EBF1: variants seen among roughly 807,000 people sequenced by gnomAD.
EBF1 encodes transcription factor COE1.
EBF1 carries 10 observed loss-of-function variants against 68.4 expected under a neutral mutation model. That is an observed-to-expected ratio of 0.15 (90% CI 0.09 to 0.25). The LOEUF is 0.25. Among genes scored for constraint, EBF1 ranks in the 10% least tolerant of loss-of-function variants. The pLI is 1.00. For missense variants in EBF1, 509 were observed against 794.4 expected, an observed-to-expected ratio of 0.64 and a Z score of 4.32; for synonymous variants, 298 against 299.8, an observed-to-expected ratio of 0.99 and a Z score of 0.06.
chr5:159,048,888 G>A (rs1772980999), intron 6 of EBF1, among the ~76,000 whole-genome samples: 1 of 152,220 alleles, frequency 6.6e-6, no homozygotes, highest in South Asian at 2.1e-4. Flanking sequence ...GAGGACATCT[G>A]TGGATGTTTT....
chr5:159,037,678 G>A, intron 6 of EBF1, among the ~76,000 whole-genome samples: 1 of 118,914 alleles, frequency 8.4e-6, no homozygotes, highest in Admixed American at 8.8e-5. Flanking sequence ...AGGGGGGAGG[G>A]ATAGCATTGG....
intron 9 of EBF1, among the ~76,000 whole-genome samples, chr5:158,781,015 G>A (rs1297261301): frequency 6.6e-6 from 1 of 152,078 alleles, no homozygotes; most frequent in Non-Finnish European, 1.5e-5. Context: ...AAACTCTGTA[G>A]CATCTGCCAC....
At chr5:158,790,548 T>C (rs1778394259) in intron 9 of EBF1, among the ~76,000 whole-genome samples, 1 of 152,086 alleles carries the variant, frequency 6.6e-6, no homozygotes, top group Non-Finnish European at 1.5e-5. Context: ...ACATGCTGAA[T>C]ACTGCATCTA....
At chr5:159,030,673 A>C (rs1266489661) in intron 6 of EBF1, among the ~76,000 whole-genome samples, 1 of 152,214 alleles carries the variant, frequency 6.6e-6, no homozygotes, top group African/African-American at 2.4e-5. Flanking sequence ...GGAAAGAGAA[A>C]GAAGTCTGGG....
chr5:158,701,601 GTGA>G (rs1455741782), intron 15 of EBF1, among the ~76,000 whole-genome samples: 3 of 152,244 alleles, frequency 2.0e-5, no homozygotes, highest in African/African-American at 7.2e-5. Context: ...GAGGATGGAG[GTGA>G]TGATGCCAAG....
chr5:159,048,400 G>A (rs562383316), intron 6 of EBF1, among the ~76,000 whole-genome samples: 1 of 152,274 alleles, frequency 6.6e-6, no homozygotes, highest in Admixed American at 6.5e-5. Context: ...CTATGTCGTG[G>A]CTTCCTTCCA....
intron 9 of EBF1, among the ~76,000 whole-genome samples, chr5:158,791,222 G>A (rs1007842023): frequency 1.3e-5 from 2 of 151,800 alleles, no homozygotes; most frequent in Admixed American, 1.3e-4. Flanking sequence ...GGGAGGCTGA[G>A]GCAGGAGAAT....
chr5:158,860,530 C>T (rs1794791053), intron 6 of EBF1, among the ~76,000 whole-genome samples: 1 of 152,218 alleles, frequency 6.6e-6, no homozygotes, highest in Non-Finnish European at 1.5e-5. Flanking sequence ...GGAGCCACCT[C>T]TCACGATTTC....
intron 6 of EBF1, among the ~76,000 whole-genome samples, chr5:158,926,603 A>C (rs1377737906): frequency 2.0e-5 from 3 of 152,044 alleles, no homozygotes; most frequent in Non-Finnish European, 4.4e-5. Flanking sequence ...ACACACCTGT[A>C]ATCCCAGCTA....
At chr5:159,008,027 T>G (rs1451631269) in intron 6 of EBF1, among the ~76,000 whole-genome samples, 1 of 152,244 alleles carries the variant, frequency 6.6e-6, no homozygotes, top group African/African-American at 2.4e-5. Context: ...GAGATAGATT[T>G]TATTTGCTAG....
intron 6 of EBF1, among the ~76,000 whole-genome samples, chr5:159,052,906 T>C (rs116542087): frequency 0.014 from 2,099 of 152,310 alleles, 35 homozygotes; most frequent in African/African-American, 0.048. Flanking sequence ...TGCACAGCTG[T>C]CTCGGTCAAA....
chr5:158,909,956 TAAAAAAAAA>T (rs59274919), intron 6 of EBF1, among the ~76,000 whole-genome samples: 1,392 of 46,722 alleles, frequency 0.03, 26 homozygotes, highest in Admixed American at 0.15. Context: ...ACTCTGTCTA[TAAAAAAAAA>T]AAAAAAAAAA....
chr5:158,904,404 G>A (rs1176854909), intron 6 of EBF1, among the ~76,000 whole-genome samples: 1 of 152,114 alleles, frequency 6.6e-6, no homozygotes, highest in Non-Finnish European at 1.5e-5. Context: ...TTCTTGTGTT[G>A]CAAGCCCAAA....
chr5:158,739,815 CCTGT>C (rs1765931237), intron 10 of EBF1, among the ~76,000 whole-genome samples: 1 of 152,186 alleles, frequency 6.6e-6, no homozygotes. Context: ...AATCACCCAG[CCTGT>C]CTGATAAACA....
chr5:158,730,901 G>C (rs1763965015), intron 11 of EBF1, 168 bp downstream of exon 11: 2 of 591,340 alleles, frequency 3.4e-6, no homozygotes, highest in Non-Finnish European at 6.0e-6. Context: ...GTGTTGCCTG[G>C]CACATAAGTG....
Position 158,710,429 on chromosome 5 carries a change from A to T in EBF1, c.1549+1725T>A, listed in dbSNP as rs137901417. The stretch of plus-strand genomic sequence containing the variant: ...GCCATCTTTTAATTTTCAGGTCATG[A>T]TCGAAACATTTTCTGACTGAATAAA... On this transcript the variant is annotated intron_variant, in intron 14 of 15. Transcript: ENST00000313708. Among the ~76,000 whole-genome samples, 66 of 152,330 alleles carry T rather than the reference A, an allele frequency of 4.3e-4. No individual in the cohort carries two copies. In the East Asian group the frequency reaches 0.012, roughly 27 times the overall value.
At chr5:159,003,945 C>T (rs1270372726) in intron 6 of EBF1, among the ~76,000 whole-genome samples, 1 of 152,146 alleles carries the variant, frequency 6.6e-6, no homozygotes, top group Non-Finnish European at 1.5e-5. Context: ...GGGAGAATTT[C>T]TATCAAGGAA....
intron 6 of EBF1, among the ~76,000 whole-genome samples, chr5:159,014,134 T>C (rs1765196352): frequency 1.3e-5 from 2 of 152,258 alleles, no homozygotes; most frequent in South Asian, 4.1e-4. Flanking sequence ...CATTATCTTT[T>C]ATTATTTCTT....
At chr5:158,820,076 A>G (rs925862385) in intron 8 of EBF1, among the ~76,000 whole-genome samples, 1 of 152,144 alleles carries the variant, frequency 6.6e-6, no homozygotes, top group African/African-American at 2.4e-5. Flanking sequence ...GGTGAGCCAC[A>G]AAAGGAAACT....
Sources: gnomAD v4.1 joint callset for allele counts (sites outside exome capture counted in the v4.1 genomes callset) on GRCh38, gnomAD v4.1.1 for gene constraint, MANE v1.5 for transcripts, NCBI Gene and HGNC (gene_info 2026-07-23, HGNC 2026-07-21) for gene names.